The following TRIM5 variants were observed in gnomAD, a reference collection of about 807,000 sequenced individuals.
TRIM5 encodes the protein tripartite motif-containing protein 5.
Under a neutral mutation model 35.6 loss-of-function variants are expected in TRIM5, and 31 were observed. The observed-to-expected ratio is 0.87, with a 90% CI of 0.65 to 1.18. The LOEUF (loss-of-function observed/expected upper bound fraction) is 1.18, where lower values mean the gene tolerates loss of function less well. Among genes scored for constraint, TRIM5 ranks in the 50% most tolerant of loss-of-function variants. The probability of loss-of-function intolerance (pLI) is 0.00; values close to 1 mark genes in which losing one functional copy is unlikely to be tolerated. For missense variants in TRIM5, 609 were observed against 591.6 expected, an observed-to-expected ratio of 1.03 and a Z score of -0.31; for synonymous variants, 243 against 215.6, an observed-to-expected ratio of 1.13 and a Z score of -1.11.
the TRIM5 span, among the ~76,000 whole-genome samples, chr11:5,607,032 T>C: frequency 6.6e-6 from 1 of 151,972 alleles, no homozygotes; most frequent in East Asian, 1.9e-4. Context: ...TGAAACCCCG[T>C]CTCTACTAAA....
chr11:5,646,535 T>G, the TRIM5 span, among the ~76,000 whole-genome samples: 2 of 152,186 alleles, frequency 1.3e-5, no homozygotes, highest in Admixed American at 6.5e-5. Flanking sequence ...CTAGCTCTTC[T>G]CATCTTTACA....
At chr11:5,640,184 C>A in the TRIM5 span, among the ~76,000 whole-genome samples, 14 of 152,116 alleles carry the variant, frequency 9.2e-5, no homozygotes. Context: ...GAGCAAACAT[C>A]CTTGTCTTTT....
chr11:5,593,173 C>G, the TRIM5 span, among the ~76,000 whole-genome samples: 3 of 152,164 alleles, frequency 2.0e-5, no homozygotes, highest in Non-Finnish European at 1.5e-5. Flanking sequence ...TTCCTGTAAT[C>G]AGATGTTAAC....
chr11:5,674,884 G>T (rs1019851700), intron 4 of TRIM5, among the ~76,000 whole-genome samples: 2 of 152,216 alleles, frequency 1.3e-5, no homozygotes, highest in Non-Finnish European at 1.5e-5. Flanking sequence ...GTTTCCAGGA[G>T]CTGGGGTGTA....
chr11:5,622,123 T>G, the TRIM5 span, among the ~76,000 whole-genome samples: 1 of 152,172 alleles, frequency 6.6e-6, no homozygotes, highest in Non-Finnish European at 1.5e-5. Flanking sequence ...TGCATGTCCA[T>G]TGAACTCAGA....
chr11:5,651,782 T>A, the TRIM5 span, among the ~76,000 whole-genome samples: 1 of 152,352 alleles, frequency 6.6e-6, no homozygotes, highest in East Asian at 1.9e-4. Flanking sequence ...CATTCTCTTT[T>A]CTCTGCAACC....
At chr11:5,681,173 G>A (rs1852415087) in intron 1 of TRIM5, among the ~76,000 whole-genome samples, 1 of 152,184 alleles carries the variant, frequency 6.6e-6, no homozygotes, top group Non-Finnish European at 1.5e-5. Context: ...CAGAGGCAGT[G>A]GATATCAGTC....
chr11:5,644,223 G>T, the TRIM5 span: 1 of 398,684 alleles, frequency 2.5e-6, no homozygotes, highest in African/African-American at 2.1e-5. Flanking sequence ...AACCTTGCCT[G>T]TTGTTTTCTA....
rs905186625 is a variant in TRIM5, at chr11:5,663,554, A to C, written c.*1255T>G. The C allele has an allele frequency of 1.1e-5, 11 of 971,474 alleles. No individual in the cohort carries two copies. In the African/African-American group the frequency reaches 1.8e-4, roughly 15 times the overall value. 60.2% of individuals were successfully genotyped at this position (971,474 alleles called of 1,614,324 possible). ...AAGTACTTATTAGATCAAGACACTT[A>C]GATAGATGCTTTATACTTCAGGAAT... On this transcript the variant is annotated 3_prime_UTR_variant, in exon 8 of 8. Coordinates refer to ENST00000380034, the MANE Select transcript of TRIM5 (RefSeq NM_033034.3).
Position 5,664,848 on chromosome 11 carries a change from T to A in TRIM5, c.1443A>T (p.Lys481Asn). 3.7e-6 allele frequency: 6 copies of A among 1,610,558 alleles called. No homozygotes were observed. The highest frequency in any genetic ancestry group is 5.1e-6 in the Non-Finnish European group (6 of 1,178,468). Residue 481 changes from lysine (K) to asparagine (N), a missense_variant, in exon 8 of 8, where the codon AAA becomes AAT. Transcript: ENST00000380034. ...AGCACAGAGTCATGGGGACTCCACA[T>A]TTTCTAGGATTTAAATATGGAAATA... The part of the protein sequence containing the change: ...QPVFPYLNPR[K>N]CGVPMTLCSP...
chr11:5,666,470 C>T (rs1851147463), intron 5 of TRIM5, among the ~76,000 whole-genome samples: 1 of 152,046 alleles, frequency 6.6e-6, no homozygotes, highest in Admixed American at 6.5e-5. Flanking sequence ...GAAACATCAT[C>T]GCTATGTATG....
chr11:5,642,322 T>C, the TRIM5 span: 1 of 1,232,298 alleles, frequency 8.1e-7, no homozygotes, highest in East Asian at 2.3e-5. Context: ...GCATCAGTGA[T>C]GTGAAGGAGA....
intron 4 of TRIM5, among the ~76,000 whole-genome samples, chr11:5,674,607 C>A (rs1371204659): frequency 6.6e-6 from 1 of 152,202 alleles, no homozygotes; most frequent in Non-Finnish European, 1.5e-5. Context: ...TATGGATAAG[C>A]CTCCAGGCCG....
At chr11:5,684,546 A>G (rs1271252881) in intron 1 of TRIM5, among the ~76,000 whole-genome samples, 2 of 152,192 alleles carry the variant, frequency 1.3e-5, no homozygotes, top group African/African-American at 4.8e-5. Context: ...TTAGTAAACT[A>G]ATAGGCATTA....
At chr11:5,604,634 G>A in the TRIM5 span, 1 of 1,609,650 alleles carries the variant, frequency 6.2e-7, no homozygotes, top group Non-Finnish European at 8.5e-7. Context: ...TGGAAGGCAA[G>A]GGAGACTTTT....
chr11:5,628,704 C>T, the TRIM5 span, among the ~76,000 whole-genome samples: 1 of 152,130 alleles, frequency 6.6e-6, no homozygotes, highest in Non-Finnish European at 1.5e-5. Context: ...TTTCCTAGCA[C>T]TGTTGTAACC....
At chr11:5,659,311 C>G (rs905575858), downstream of TRIM5, among the ~76,000 whole-genome samples, 1 of 152,130 alleles carries the variant, frequency 6.6e-6, no homozygotes, top group Non-Finnish European at 1.5e-5. Flanking sequence ...TTCCCCCTGT[C>G]GCATGCCCTG....
At chr11:5,669,077 ATTCT>A (rs1002500242) in intron 4 of TRIM5, among the ~76,000 whole-genome samples, 3 of 129,068 alleles carry the variant, frequency 2.3e-5, no homozygotes, top group Non-Finnish European at 4.7e-5. Flanking sequence ...TTTGGTCTAC[ATTCT>A]TTTTTTTTTT....
chr11:5,643,861 TGA>T, the TRIM5 span: 58 of 986,378 alleles, frequency 5.9e-5, no homozygotes, highest in African/African-American at 9.3e-4. Flanking sequence ...GCTTGAGTTA[TGA>T]GAGATGCTTA....
Sources: gnomAD v4.1 joint callset for allele counts (sites outside exome capture counted in the v4.1 genomes callset) on GRCh38, gnomAD v4.1.1 for gene constraint, MANE v1.5 for transcripts, NCBI Gene and HGNC (gene_info 2026-07-23, HGNC 2026-07-21) for gene names.